ANGPT1: variants seen among roughly 807,000 people sequenced by gnomAD.
The protein encoded by ANGPT1 is angiopoietin-1.
In ANGPT1, 17 loss-of-function variants were observed where a neutral mutation model predicts 62.2. The observed-to-expected ratio is 0.27, with a 90% CI of 0.19 to 0.41. The LOEUF (loss-of-function observed/expected upper bound fraction) is 0.41, where lower values mean the gene tolerates loss of function less well. Ranked by LOEUF, ANGPT1 falls within the 10% of genes least tolerant of loss-of-function variation. The pLI is 1.00. For synonymous variants in ANGPT1, 199 were observed against 198.9 expected, an observed-to-expected ratio of 1.00 and a Z score of 0.00; for missense variants, 478 against 594.9, an observed-to-expected ratio of 0.80 and a Z score of 2.04.
intron 1 of ANGPT1, among the ~76,000 whole-genome samples, chr8:107,442,041 G>A (rs983128257): frequency 4.6e-5 from 7 of 151,998 alleles, no homozygotes; most frequent in African/African-American, 9.7e-5. Flanking sequence ...CCAAGATCAC[G>A]CCATCGCACT....
At chr8:107,288,505 TA>T (rs942360081) in intron 6 of ANGPT1, among the ~76,000 whole-genome samples, 1 of 152,056 alleles carries the variant, frequency 6.6e-6, no homozygotes, top group East Asian at 1.9e-4. Flanking sequence ...GTGGGGGTTT[TA>T]AAAAAATACA....
chr8:107,358,683 G>C (rs184332303), intron 1 of ANGPT1, among the ~76,000 whole-genome samples: 3 of 152,094 alleles, frequency 2.0e-5, no homozygotes, highest in Non-Finnish European at 4.4e-5. Flanking sequence ...ATCACCTCCC[G>C]GTGTTCCTCC....
chr8:107,433,467 G>A (rs928395712), intron 1 of ANGPT1, among the ~76,000 whole-genome samples: 1 of 152,140 alleles, frequency 6.6e-6, no homozygotes. Flanking sequence ...TTAATAAAGA[G>A]ACATTGAGTA....
chr8:107,430,529 T>A (rs1047295836), intron 1 of ANGPT1, among the ~76,000 whole-genome samples: 2 of 152,200 alleles, frequency 1.3e-5, no homozygotes, highest in Admixed American at 6.5e-5. Context: ...AATGTCCCCC[T>A]TCTAAACCTT....
chr8:107,449,347 T>C (rs988791848), intron 1 of ANGPT1, among the ~76,000 whole-genome samples: 6 of 151,644 alleles, frequency 4.0e-5, no homozygotes, highest in African/African-American at 1.5e-4. Flanking sequence ...AGCTTTTTAC[T>C]GACTTTATAA....
intron 5 of ANGPT1, chr8:107,295,108 T>G (rs933834885): frequency 6.6e-6 from 1 of 152,148 alleles, no homozygotes; most frequent in Non-Finnish European, 1.5e-5. Context: ...TGGCAAGAAA[T>G]GTCATTCAAA....
intron 1 of ANGPT1, among the ~76,000 whole-genome samples, chr8:107,379,707 C>G (rs1325560834): frequency 2.6e-5 from 4 of 152,026 alleles, no homozygotes; most frequent in African/African-American, 7.3e-5. Flanking sequence ...ATTTACTTCC[C>G]AAATTATTTG....
chr8:107,313,254 T>C (rs891708201), intron 4 of ANGPT1, among the ~76,000 whole-genome samples: 2 of 152,054 alleles, frequency 1.3e-5, no homozygotes, highest in African/African-American at 4.8e-5. Context: ...GAGTAATTCT[T>C]TGTAGGCTGC....
rs780729451 is a variant in ANGPT1 at position 107,322,050 on chromosome 8, G to T, written c.654C>A (p.Asn218Lys). 1.9e-6 allele frequency: 3 copies of T among 1,613,732 alleles called. No individual in the cohort carries two copies. The Admixed American group carries it at 5.0e-5, about 27-fold the overall frequency. ...TTTGACGAGTAACCAAGCCTTGAAG[G>T]TTCTCTTTCTCTTCCTTTAAGGTGT... is the stretch of plus-strand genomic sequence containing the variant. ...ELDTLKEEKE[N>K]LQGLVTRQTY... is the part of the protein sequence containing the mutation. The change falls in exon 4 of 9, where the codon AAC becomes AAA. Residue 218 changes from asparagine (N) to lysine (K), a missense_variant. Transcript: ENST00000517746.
intron 1 of ANGPT1, among the ~76,000 whole-genome samples, chr8:107,458,496 A>G (rs1011018134): frequency 2.6e-5 from 4 of 152,216 alleles, no homozygotes; most frequent in Non-Finnish European, 5.9e-5. Context: ...TTCTAAACTA[A>G]AACAAAGAAA....
chr8:107,328,908 C>A (rs1335023034), intron 3 of ANGPT1, among the ~76,000 whole-genome samples: 2 of 151,722 alleles, frequency 1.3e-5, no homozygotes, highest in Non-Finnish European at 2.9e-5. Flanking sequence ...AATTATATAT[C>A]TATTAACATA....
chr8:107,322,306 C>A, intron 3 of ANGPT1, among the ~76,000 whole-genome samples, 178 bp from the exon 4 acceptor site: 1 of 146,250 alleles, frequency 6.8e-6, no homozygotes. Flanking sequence ...ACACATATAA[C>A]ATGTCAAATA....
intron 1 of ANGPT1, among the ~76,000 whole-genome samples, chr8:107,436,098 G>A (rs139797845): frequency 6.6e-6 from 1 of 152,230 alleles, no homozygotes; most frequent in Non-Finnish European, 1.5e-5. Context: ...TAGAGATGGG[G>A]TCTCTCTATG....
At chr8:107,425,029 C>G (rs756485027) in intron 1 of ANGPT1, among the ~76,000 whole-genome samples, 8 of 152,102 alleles carry the variant, frequency 5.3e-5, no homozygotes, top group Non-Finnish European at 2.9e-5. Context: ...CACGTGTCAC[C>G]ACGCCCAGCT....
chr8:107,256,932 C>T (rs1488238196), intron 8 of ANGPT1, among the ~76,000 whole-genome samples: 2 of 152,068 alleles, frequency 1.3e-5, no homozygotes, highest in African/African-American at 2.4e-5. Flanking sequence ...TCTTGGCTCA[C>T]CGCAACCTCC....
At chr8:107,440,470 C>T (rs1471033688) in intron 1 of ANGPT1, among the ~76,000 whole-genome samples, 1 of 152,076 alleles carries the variant, frequency 6.6e-6, no homozygotes, top group Non-Finnish European at 1.5e-5. Context: ...TCCATTTTTT[C>T]ATTCATTCAG....
chr8:107,323,698 G>T (rs1411025467), intron 3 of ANGPT1, among the ~76,000 whole-genome samples: 2 of 152,164 alleles, frequency 1.3e-5, no homozygotes, highest in Non-Finnish European at 2.9e-5. Flanking sequence ...AATCATACTA[G>T]TCATGATACC....
intron 5 of ANGPT1, among the ~76,000 whole-genome samples, chr8:107,296,886 GA>G (rs1261110181): frequency 6.6e-6 from 1 of 151,984 alleles, no homozygotes; most frequent in Non-Finnish European, 1.5e-5. Flanking sequence ...GTGCAGAGAG[GA>G]AACTATATTG....
intron 1 of ANGPT1, among the ~76,000 whole-genome samples, chr8:107,374,130 C>T (rs1035401964): frequency 3.3e-5 from 5 of 152,130 alleles, no homozygotes; most frequent in African/African-American, 9.7e-5. Context: ...TTTCCATTTA[C>T]TCATAAAAAG....
Sources: allele counts gnomAD v4.1 joint callset (sites outside exome capture counted in the v4.1 genomes callset), GRCh38; gene constraint gnomAD v4.1.1; transcripts MANE v1.5; gene names NCBI Gene and HGNC (gene_info 2026-07-23, HGNC 2026-07-21).